Variants in DAB1 observed in about 807,000 individuals in gnomAD.
DAB1 encodes the protein disabled homolog 1.
A neutral mutation model predicts 64.6 loss-of-function variants in DAB1; 15 were observed. The ratio of observed to expected loss-of-function variants is 0.23; its 90% CI spans 0.16 to 0.36. The LOEUF is 0.36. Among genes scored for constraint, DAB1 ranks in the 10% least tolerant of loss-of-function variants. The pLI, the probability that DAB1 is intolerant of heterozygous loss-of-function variation, is 1.00. For synonymous variants in DAB1, 235 were observed against 251.9 expected, an observed-to-expected ratio of 0.93 and a Z score of 0.64; for missense variants, 596 against 706.7, an observed-to-expected ratio of 0.84 and a Z score of 1.78.
chr1:57,974,501 G>T (rs1444054783), intron 5 of DAB1, among the ~76,000 whole-genome samples: 4 of 151,504 alleles, frequency 2.6e-5, no homozygotes, highest in African/African-American at 9.7e-5. Context: ...TATATATATA[G>T]ATATATAGAT....
At chr1:57,696,239 CTTGT>C (rs1646843790) in intron 6 of DAB1, among the ~76,000 whole-genome samples, 1 of 152,058 alleles carries the variant, frequency 6.6e-6, no homozygotes, top group African/African-American at 2.4e-5. Flanking sequence ...ATAATGAATG[CTTGT>C]TTTAGTCTCT....
intron 7 of DAB1, among the ~76,000 whole-genome samples, chr1:57,459,853 A>C (rs1686723496): frequency 6.6e-6 from 1 of 152,214 alleles, no homozygotes; most frequent in African/African-American, 2.4e-5. Flanking sequence ...ATTTTAGTTT[A>C]AGGCATCAAG....
intron 4 of DAB1, among the ~76,000 whole-genome samples, chr1:58,197,302 T>C (rs1194147079): frequency 6.6e-6 from 1 of 152,158 alleles, no homozygotes; most frequent in Admixed American, 6.5e-5. Context: ...ATAGCAGATA[T>C]GCAGAAGGTA....
intron 4 of DAB1, among the ~76,000 whole-genome samples, chr1:58,220,176 A>G (rs1659083250): frequency 6.6e-6 from 1 of 152,236 alleles, no homozygotes; most frequent in Non-Finnish European, 1.5e-5. Context: ...CCTTCTAGCA[A>G]AAGATGGTTG....
chr1:57,498,166 A>C (rs897847985), intron 7 of DAB1, among the ~76,000 whole-genome samples: 7 of 152,238 alleles, frequency 4.6e-5, no homozygotes, highest in Non-Finnish European at 7.3e-5. Flanking sequence ...AGAGGACCAG[A>C]TCATGAATCC....
intron 4 of DAB1, among the ~76,000 whole-genome samples, chr1:57,108,193 G>A (rs1258988044): frequency 2.0e-5 from 3 of 152,120 alleles, no homozygotes; most frequent in African/African-American, 7.2e-5. Context: ...ATCCCCAAAT[G>A]AGCCTATTAG....
intron 7 of DAB1, among the ~76,000 whole-genome samples, chr1:57,606,795 T>TAGAGAG (rs112310014): frequency 0.019 from 2,515 of 133,120 alleles, 71 homozygotes; most frequent in African/African-American, 0.059. Flanking sequence ...CATATATATA[T>TAGAGAG]AGAGAGAGAG....
At chr1:57,503,704 C>T (rs1280937221) in intron 7 of DAB1, among the ~76,000 whole-genome samples, 1 of 152,234 alleles carries the variant, frequency 6.6e-6, no homozygotes, top group Non-Finnish European at 1.5e-5. Context: ...GGTGTATTTA[C>T]TCAAGGTCTT....
chr1:57,653,621 T>A (rs903686010), intron 6 of DAB1, among the ~76,000 whole-genome samples: 8 of 150,178 alleles, frequency 5.3e-5, no homozygotes, highest in African/African-American at 1.9e-4. Flanking sequence ...TACATTATTA[T>A]TTTTTTTTTG....
chr1:57,713,948 C>G (rs1164672788), intron 6 of DAB1, among the ~76,000 whole-genome samples: 1 of 152,094 alleles, frequency 6.6e-6, no homozygotes, highest in Non-Finnish European at 1.5e-5. Context: ...TTGATTTATT[C>G]ATTCATTCCA....
intron 3 of DAB1, among the ~76,000 whole-genome samples, chr1:58,442,712 C>T (rs1645025501): frequency 6.6e-6 from 1 of 152,106 alleles, no homozygotes; most frequent in Non-Finnish European, 1.5e-5. Context: ...TCTGACCTCT[C>T]TTTTGAATTT....
chr1:57,633,436 T>C (rs1449583507), intron 7 of DAB1, among the ~76,000 whole-genome samples: 1 of 152,296 alleles, frequency 6.6e-6, no homozygotes, highest in Admixed American at 6.5e-5. Context: ...CTGAGAATCA[T>C]TGGCCCAATG....
intron 7 of DAB1, among the ~76,000 whole-genome samples, chr1:57,488,778 G>A (rs1338712934): frequency 6.6e-6 from 1 of 152,112 alleles, no homozygotes; most frequent in Admixed American, 6.6e-5. Context: ...AGACTCACCT[G>A]CCACTCACTG....
chr1:58,501,054 T>C (rs892837552), intron 3 of DAB1, among the ~76,000 whole-genome samples: 1 of 152,238 alleles, frequency 6.6e-6, no homozygotes. Context: ...CAAGTTGTTA[T>C]GATAACCAAA....
chr1:57,422,438 C>T (rs1684990978), intron 1 of DAB1, among the ~76,000 whole-genome samples: 1 of 151,912 alleles, frequency 6.6e-6, no homozygotes. Context: ...AGCCCTACAT[C>T]GCCCCTCTTT....
In DAB1 at chr1:57,632,054, G is replaced by T. The variant is rs969058898; in HGVS notation, n.625+17538C>A. ...CTGAGGGAACAGTCTACAGGGAGTAGAAGATATTGTCTGAGGTATATGGGA... is the reference window on the plus strand; with the variant it reads ...CTGAGGGAACAGTCTACAGGGAGTATAAGATATTGTCTGAGGTATATGGGA... On this transcript the variant is annotated intron_variant and non_coding_transcript_variant, in intron 7 of 20. Transcript: ENST00000485760. Among the ~76,000 whole-genome samples the T allele has an allele frequency of 3.3e-5, 5 of 152,216 alleles. No individual in the cohort carries two copies. In the East Asian group the frequency reaches 9.6e-4, roughly 29 times the overall value.
chr1:58,278,153 T>C (rs1172351734), intron 4 of DAB1, among the ~76,000 whole-genome samples: 2 of 152,122 alleles, frequency 1.3e-5, no homozygotes, highest in African/African-American at 2.4e-5. Flanking sequence ...TGGGAGGTGA[T>C]TGGATCATGG....
At chr1:58,075,738 T>C (rs1470458081) in intron 5 of DAB1, among the ~76,000 whole-genome samples, 5 of 152,190 alleles carry the variant, frequency 3.3e-5, no homozygotes, top group Admixed American at 2.6e-4. Context: ...TCTAGAGAGC[T>C]GTCCGACTCT....
At chr1:57,865,970 T>C (rs1377778851) in intron 1 of DAB1, among the ~76,000 whole-genome samples, 1 of 152,184 alleles carries the variant, frequency 6.6e-6, no homozygotes, top group Non-Finnish European at 1.5e-5. Flanking sequence ...GATTCAAAGA[T>C]GGTGCCTTCC....
Sources: gnomAD v4.1 joint callset for allele counts (sites outside exome capture counted in the v4.1 genomes callset) on GRCh38, gnomAD v4.1.1 for gene constraint, MANE v1.5 for transcripts, NCBI Gene and HGNC (gene_info 2026-07-23, HGNC 2026-07-21) for gene names.